ANO3: variants seen among roughly 807,000 people sequenced by gnomAD.
ANO3 encodes the protein anoctamin 3.
ANO3 carries 99 observed loss-of-function variants against 144.8 expected under a neutral mutation model. The ratio of observed to expected loss-of-function variants is 0.68; its 90% CI spans 0.58 to 0.81. The LOEUF (loss-of-function observed/expected upper bound fraction) is 0.81. ANO3 is among the 30% of genes least tolerant of loss of function. The pLI is 0.00. For synonymous variants in ANO3, 414 were observed against 392.6 expected (o/e 1.05, Z -0.64); for missense variants, 905 against 1,202.2 (o/e 0.75, Z 3.66).
At chr11:26,560,322 G>A (rs1483518478) in intron 14 of ANO3, 12 of 151,912 alleles carry the variant, frequency 7.9e-5, no homozygotes, top group Admixed American at 7.9e-4. Context: ...TTCTCATTGA[G>A]TTTTTAAGGC....
intron 1 of ANO3, among the ~76,000 whole-genome samples, chr11:26,203,444 T>C (rs1851736425): frequency 6.6e-6 from 1 of 152,070 alleles, no homozygotes; most frequent in Admixed American, 6.6e-5. Context: ...GGAGCCTTTA[T>C]AAAGAGATAA....
intron 1 of ANO3, among the ~76,000 whole-genome samples, chr11:26,192,141 GC>G (rs1564911161): frequency 6.6e-6 from 1 of 152,048 alleles, no homozygotes; most frequent in African/African-American, 2.4e-5. Context: ...ACAATTTGCC[GC>G]CTGATATCAT....
upstream of ANO3, among the ~76,000 whole-genome samples, chr11:26,306,283 T>C (rs1854382072): frequency 6.6e-6 from 1 of 152,132 alleles, no homozygotes; most frequent in Non-Finnish European, 1.5e-5. Context: ...CTATTCTTCC[T>C]ATTCTTGTCT....
intron 2 of ANO3, among the ~76,000 whole-genome samples, chr11:26,442,406 G>A (rs924636072): frequency 1.3e-5 from 2 of 152,188 alleles, no homozygotes; most frequent in Admixed American, 6.5e-5. Flanking sequence ...TCTTGTTGAT[G>A]AGTAACATTC....
chr11:26,624,809 C>G (rs1489575291), intron 18 of ANO3, among the ~76,000 whole-genome samples: 1 of 152,050 alleles, frequency 6.6e-6, no homozygotes, highest in Non-Finnish European at 1.5e-5. Flanking sequence ...AAGTGTTATA[C>G]TACATGTACA....
chr11:26,567,151 A>G, intron 14 of ANO3: 1 of 1,386,082 alleles, frequency 7.2e-7, no homozygotes, highest in Non-Finnish European at 9.5e-7. Context: ...TGGAAAATGG[A>G]AGAGGCAATA....
chr11:26,528,686 T>A (rs1421236583), intron 7 of ANO3, among the ~76,000 whole-genome samples: 1 of 152,072 alleles, frequency 6.6e-6, no homozygotes, highest in Non-Finnish European at 1.5e-5. Context: ...AGATTAGAAA[T>A]GTTTAGCCCA....
At chr11:26,269,129 A>G (rs982183698) in intron 1 of ANO3, among the ~76,000 whole-genome samples, 4 of 152,156 alleles carry the variant, frequency 2.6e-5, no homozygotes, top group Non-Finnish European at 4.4e-5. Context: ...TCCACAAACA[A>G]GACTCAGTGC....
intron 1 of ANO3, among the ~76,000 whole-genome samples, chr11:26,202,494 A>G (rs1851716500): frequency 1.3e-5 from 2 of 151,506 alleles, no homozygotes; most frequent in Non-Finnish European, 2.9e-5. Flanking sequence ...TATTTGTGCT[A>G]TAGTAAATTT....
chr11:26,487,824 G>A (rs993178829), intron 4 of ANO3, among the ~76,000 whole-genome samples: 8 of 152,050 alleles, frequency 5.3e-5, no homozygotes, highest in African/African-American at 1.7e-4. Context: ...TGGAAGAAAC[G>A]GATTCTAAGC....
intron 1 of ANO3, among the ~76,000 whole-genome samples, chr11:26,406,395 G>C (rs1857278082): frequency 6.6e-6 from 1 of 151,794 alleles, no homozygotes; most frequent in Non-Finnish European, 1.5e-5. Flanking sequence ...GAATTTTGGA[G>C]GGGACACCAT....
chr11:26,641,758 C>A, intron 21 of ANO3, 138 bp from the exon 22 acceptor site: 3 of 952,196 alleles, frequency 3.2e-6, no homozygotes, highest in South Asian at 3.5e-5. Context: ...TTTTAAAAAA[C>A]TTTTATAAAA....
intron 1 of ANO3, among the ~76,000 whole-genome samples, chr11:26,263,276 A>T (rs1853234910): frequency 6.6e-6 from 1 of 152,214 alleles, no homozygotes; most frequent in Admixed American, 6.5e-5. Context: ...TCTTGCCTTC[A>T]GGACTCTGCA....
intron 1 of ANO3, among the ~76,000 whole-genome samples, chr11:26,302,394 C>T (rs1025773387): frequency 1.3e-5 from 2 of 152,076 alleles, no homozygotes; most frequent in African/African-American, 4.8e-5. Flanking sequence ...ACTCAGGAGG[C>T]TGAGGCAGGA....
chr11:26,461,685 TA>T (rs1859401306), intron 3 of ANO3, among the ~76,000 whole-genome samples: 1 of 152,122 alleles, frequency 6.6e-6, no homozygotes, highest in Non-Finnish European at 1.5e-5. Context: ...AAACATATTA[TA>T]TTCACAAGCA....
intron 1 of ANO3, among the ~76,000 whole-genome samples, chr11:26,244,658 C>T (rs1852742904): frequency 6.6e-6 from 1 of 152,118 alleles, no homozygotes; most frequent in Admixed American, 6.5e-5. Flanking sequence ...GACCAAAATG[C>T]ATCACTAGTT....
intron 1 of ANO3, among the ~76,000 whole-genome samples, chr11:26,285,057 TAG>T (rs1323046359): frequency 1.3e-5 from 2 of 152,200 alleles, no homozygotes; most frequent in Non-Finnish European, 2.9e-5. Flanking sequence ...GAATTTCCAC[TAG>T]GGGGAGCTAC....
At chr11:26,549,338 A>T (rs753970384) in intron 12 of ANO3, among the ~76,000 whole-genome samples, 2 of 152,018 alleles carry the variant, frequency 1.3e-5, no homozygotes, top group Non-Finnish European at 2.9e-5. Flanking sequence ...CAAGATAAGC[A>T]GCACTGAATA....
rs528080507 is a variant in ANO3, at chr11:26,312,757, T to G, written c.-3+3038T>G. Among the ~76,000 whole-genome samples, 17 of 152,318 alleles carry G rather than the reference T, an allele frequency of 1.1e-4. No individual in the cohort carries two copies. In the South Asian group the frequency reaches 3.5e-3, roughly 32 times the overall value. ...GGATATTAGCCCTTTGTCAGATAGG[T>G]AGATTGTAAAAATTTTCTCCCATTC... On this transcript the variant is annotated intron_variant, in intron 1 of 26. Coordinates refer to the ANO3 transcript ENST00000525139.
Sources: gnomAD v4.1 joint callset for allele counts (sites outside exome capture counted in the v4.1 genomes callset) on GRCh38, gnomAD v4.1.1 for gene constraint, MANE v1.5 for transcripts, NCBI Gene and HGNC (gene_info 2026-07-23, HGNC 2026-07-21) for gene names.